The following CPA6 variants were observed in gnomAD, a reference collection of about 807,000 sequenced individuals.
CPA6 encodes carboxypeptidase A6, also known as carboxypeptidase B.
A neutral mutation model predicts 63.3 loss-of-function variants in CPA6; 58 were observed. The observed-to-expected ratio is 0.92, with a 90% CI of 0.74 to 1.14. The LOEUF (loss-of-function observed/expected upper bound fraction) is 1.14, where lower values mean the gene tolerates loss of function less well. Among genes scored for constraint, CPA6 ranks in the 50% most tolerant of loss-of-function variants. The pLI is 0.00. For synonymous variants in CPA6, 185 were observed against 179.0 expected (o/e 1.03, Z -0.27); for missense variants, 565 against 526.6 (o/e 1.07, Z -0.71).
At chr8:67,576,954 C>G (rs1813642441) in intron 2 of CPA6, among the ~76,000 whole-genome samples, 1 of 151,852 alleles carries the variant, frequency 6.6e-6, no homozygotes, top group Non-Finnish European at 1.5e-5. Flanking sequence ...CCTTCCGCCT[C>G]CGGGGTTCAA....
At chr8:67,446,207 A>G (rs7460208) in intron 8 of CPA6, among the ~76,000 whole-genome samples, 1 of 151,134 alleles carries the variant, frequency 6.6e-6, no homozygotes, top group Non-Finnish European at 1.5e-5. Context: ...CAGAGCTTGC[A>G]GTGAGTGGAG....
At chr8:67,480,389 CT>C (rs1376848255) in intron 8 of CPA6, among the ~76,000 whole-genome samples, 1 of 152,166 alleles carries the variant, frequency 6.6e-6, no homozygotes, top group African/African-American at 2.4e-5. Flanking sequence ...CGAATCTACT[CT>C]CTATCTCTAT....
intron 8 of CPA6, among the ~76,000 whole-genome samples, chr8:67,435,350 T>C (rs1810126244): frequency 6.6e-6 from 1 of 151,884 alleles, no homozygotes; most frequent in Admixed American, 6.6e-5. Flanking sequence ...AAGGGACCCC[T>C]TGGACTTTTT....
At position 67,668,784 on chromosome 8, in the gene CPA6, C is replaced by G. The variant is rs1168432024; in HGVS notation, c.117-44533G>C. On this transcript the variant is annotated intron_variant, in intron 1 of 10. Coordinates refer to ENST00000297770, the MANE Select transcript of CPA6 (RefSeq NM_020361.5). The stretch of plus-strand genomic sequence containing the variant: ...AAATGAAAGCCTCTATCAAGAAGCA[C>G]ATAATGAAGAGAGGAAACTGACGTT... Among the ~76,000 whole-genome samples the G allele has an allele frequency of 6.8e-3, 1,038 of 152,262 alleles. 7 individuals carry two copies. The highest frequency in any genetic ancestry group is 0.024 in the African/African-American group (980 of 41,528).
chr8:67,427,890 G>T lies in CPA6; in HGVS notation c.1126+157C>A, dbSNP rs72654983. 9.1e-3 allele frequency among the ~76,000 whole-genome samples: 1,382 copies of T among 152,264 alleles called. 7 individuals carry two copies. Among genetic ancestry groups the T allele is most frequent in the Non-Finnish European group, 0.015 (1,003 of 68,024 alleles). Reference sequence around the variant, plus strand: ...TGATTTCTGTCAAGCTGTGTAAAACGAATCAGATATAAACTCCTTCTATTT... The same window carrying T: ...TGATTTCTGTCAAGCTGTGTAAAACTAATCAGATATAAACTCCTTCTATTT... On this transcript the variant is annotated intron_variant, in intron 10 of 10. Transcript: ENST00000297770.
chr8:67,600,367 G>C (rs777139725), intron 2 of CPA6, among the ~76,000 whole-genome samples: 2 of 151,842 alleles, frequency 1.3e-5, no homozygotes, highest in Non-Finnish European at 2.9e-5. Context: ...GGGTGGGTTG[G>C]GGTGGGTGGA....
rs1264121050 is a variant in CPA6 at position 67,727,956 on chromosome 8, T to C, written c.116+18058A>G. ...AGCCTGGTGTGGTGGCAAGTGCCTGTAGTCCCAGCTACTCGGGAGGCTGAG... is the reference window on the plus strand; with the variant it reads ...AGCCTGGTGTGGTGGCAAGTGCCTGCAGTCCCAGCTACTCGGGAGGCTGAG... On this transcript the variant is annotated intron_variant, in intron 1 of 10. Coordinates refer to ENST00000297770, the MANE Select transcript of CPA6 (RefSeq NM_020361.5). 2.6e-5 allele frequency among the ~76,000 whole-genome samples: 4 copies of C among 151,886 alleles called. No homozygotes were observed. The South Asian group carries it at 8.3e-4, about 32-fold the overall frequency.
intron 1 of CPA6, among the ~76,000 whole-genome samples, chr8:67,727,164 C>A (rs1407453917): frequency 6.6e-6 from 1 of 151,198 alleles, no homozygotes; most frequent in Non-Finnish European, 1.5e-5. Flanking sequence ...GAAAAAAAAA[C>A]CCTATGTTAC....
intron 2 of CPA6, among the ~76,000 whole-genome samples, chr8:67,611,709 T>C (rs1814811193): frequency 6.6e-6 from 1 of 152,176 alleles, no homozygotes; most frequent in African/African-American, 2.4e-5. Flanking sequence ...TCTCATATGC[T>C]TTTTTCTTTC....
At chr8:67,742,647 G>C in intron 1 of CPA6, among the ~76,000 whole-genome samples, 1 of 152,130 alleles carries the variant, frequency 6.6e-6, no homozygotes, top group Non-Finnish European at 1.5e-5. Flanking sequence ...TGCTATTCTT[G>C]AATCCTCCCA....
In CPA6 at chr8:67,726,405, C is replaced by T. The variant is rs187768610; in HGVS notation, c.116+19609G>A. Among the ~76,000 whole-genome samples the T allele has an allele frequency of 2.6e-5, 4 of 152,250 alleles. 1 individual carries two copies. The highest frequency in any genetic ancestry group is 4.8e-5 in the African/African-American group (2 of 41,540). On this transcript the variant is annotated intron_variant, in intron 1 of 10. Transcript: ENST00000297770. ...GCCCCTAGCCTTCTTTGGCAAATGACGACGTTTAACCTGGACGAGGTTCTA... is the reference window on the plus strand; with the variant it reads ...GCCCCTAGCCTTCTTTGGCAAATGATGACGTTTAACCTGGACGAGGTTCTA...
At chr8:67,612,423 G>A (rs1053977166) in intron 2 of CPA6, among the ~76,000 whole-genome samples, 4 of 152,182 alleles carry the variant, frequency 2.6e-5, no homozygotes, top group African/African-American at 9.7e-5. Flanking sequence ...AACTCCCAAA[G>A]ATCACAATCT....
chr8:67,573,272 G>C (rs1161573703), intron 2 of CPA6, among the ~76,000 whole-genome samples: 1 of 152,162 alleles, frequency 6.6e-6, no homozygotes, highest in Non-Finnish European at 1.5e-5. Flanking sequence ...GTCCTTGCCA[G>C]AGCACTTGGT....
At chr8:67,713,089 G>GTA (rs1170350800) in intron 1 of CPA6, among the ~76,000 whole-genome samples, 71 of 88,188 alleles carry the variant, frequency 8.1e-4, no homozygotes, top group Middle Eastern at 5.2e-3. Context: ...GTGTATGTGT[G>GTA]TGTGTGTGTG....
intron 6 of CPA6, among the ~76,000 whole-genome samples, chr8:67,500,178 T>C (rs573405092): frequency 2.6e-5 from 4 of 152,318 alleles, no homozygotes; most frequent in Middle Eastern, 3.4e-3. Context: ...GATATATATC[T>C]GTAGATGTAT....
chr8:67,545,563 CT>C (rs35213871), intron 2 of CPA6, among the ~76,000 whole-genome samples: 25,569 of 80,670 alleles, frequency 0.32, 2,399 homozygotes, highest in Middle Eastern at 0.47. Flanking sequence ...GCTACTGTTA[CT>C]TTTTTTTTTT....
chr8:67,614,478 C>G (rs1189025079), intron 2 of CPA6, among the ~76,000 whole-genome samples: 1 of 152,192 alleles, frequency 6.6e-6, no homozygotes, highest in Admixed American at 6.5e-5. Context: ...ACCAGATGGT[C>G]TGGATGCCAC....
intron 1 of CPA6, among the ~76,000 whole-genome samples, chr8:67,625,924 T>G (rs1030367323): frequency 1.9e-4 from 29 of 152,274 alleles, no homozygotes; most frequent in African/African-American, 6.3e-4. Context: ...AGGAGGGGCT[T>G]GGTGGAAGGT....
At chr8:67,536,008 TG>T (rs1189063166) in intron 2 of CPA6, among the ~76,000 whole-genome samples, 2 of 152,154 alleles carry the variant, frequency 1.3e-5, no homozygotes, top group African/African-American at 4.8e-5. Flanking sequence ...AAAGATCAGT[TG>T]GTTGTAGATG....
Sources: allele counts gnomAD v4.1 joint callset (sites outside exome capture counted in the v4.1 genomes callset), GRCh38; gene constraint gnomAD v4.1.1; transcripts MANE v1.5; gene names NCBI Gene and HGNC (gene_info 2026-07-23, HGNC 2026-07-21).